The following LHFPL2 variants were observed in gnomAD, a reference collection of about 807,000 sequenced individuals.
LHFPL2 encodes LHFPL tetraspan subfamily member 2 protein.
LHFPL2 carries 7 observed loss-of-function variants against 17.5 expected under a neutral mutation model. That is an observed-to-expected ratio of 0.40 (90% CI 0.23 to 0.75). LHFPL2 has a LOEUF of 0.75. LHFPL2 is among the 30% of genes least tolerant of loss of function. The pLI, the probability that LHFPL2 is intolerant of heterozygous loss-of-function variation, is 0.37. For synonymous variants in LHFPL2, 134 were observed against 116.2 expected (o/e 1.15, Z -0.99); for missense variants, 241 against 294.8 (o/e 0.82, Z 1.34).
intron 2 of LHFPL2, among the ~76,000 whole-genome samples, chr5:78,610,744 CT>C (rs1424709855): frequency 1.3e-5 from 2 of 152,184 alleles, no homozygotes; most frequent in African/African-American, 4.8e-5. Flanking sequence ...TTGCTGTCCC[CT>C]CTCCCTCCCA....
At chr5:78,638,262 G>A (rs1162972853) in intron 1 of LHFPL2, among the ~76,000 whole-genome samples, 3 of 152,200 alleles carry the variant, frequency 2.0e-5, no homozygotes, top group Admixed American at 2.0e-4. Context: ...GGCTGAGGCA[G>A]GAGAATGGTG....
At chr5:78,607,837 AT>A (rs1744278957) in intron 2 of LHFPL2, among the ~76,000 whole-genome samples, 1 of 152,196 alleles carries the variant, frequency 6.6e-6, no homozygotes, top group South Asian at 2.1e-4. Context: ...TGTTGTTGCA[AT>A]AGTCTGAACA....
At chr5:78,514,154 C>T (rs1755219345) in intron 3 of LHFPL2, among the ~76,000 whole-genome samples, 1 of 152,202 alleles carries the variant, frequency 6.6e-6, no homozygotes, top group Non-Finnish European at 1.5e-5. Context: ...ATGCCTGCTT[C>T]CACAAAGCCC....
chr5:78,546,633 C>A (rs1756284273), intron 3 of LHFPL2, among the ~76,000 whole-genome samples: 1 of 152,216 alleles, frequency 6.6e-6, no homozygotes, highest in Non-Finnish European at 1.5e-5. Context: ...ACTTAGAACA[C>A]CACAATCTGG....
chr5:78,495,091 C>CT (rs1294408627), intron 4 of LHFPL2, among the ~76,000 whole-genome samples: 1 of 152,186 alleles, frequency 6.6e-6, no homozygotes, highest in Non-Finnish European at 1.5e-5. Flanking sequence ...TTCCATAGTC[C>CT]TGCCAGTCCC....
intron 2 of LHFPL2, among the ~76,000 whole-genome samples, chr5:78,594,629 T>C (rs1743763768): frequency 1.3e-5 from 2 of 152,216 alleles, no homozygotes; most frequent in Admixed American, 1.3e-4. Flanking sequence ...TTCACTACAC[T>C]GTTTGGGTAG....
chr5:78,498,615 A>G (rs1754680915), intron 4 of LHFPL2, among the ~76,000 whole-genome samples: 1 of 152,168 alleles, frequency 6.6e-6, no homozygotes, highest in Admixed American at 6.5e-5. Flanking sequence ...TTCCCTCGCC[A>G]CTGAATTTGC....
intron 1 of LHFPL2, among the ~76,000 whole-genome samples, chr5:78,646,159 G>A (rs990898063): frequency 1.3e-5 from 2 of 152,124 alleles, no homozygotes; most frequent in South Asian, 4.1e-4. Context: ...CCCAAATACT[G>A]CCTGCACTAC....
At chr5:78,621,639 T>C (rs181368690) in intron 2 of LHFPL2, among the ~76,000 whole-genome samples, 35 of 152,286 alleles carry the variant, frequency 2.3e-4, no homozygotes, top group Admixed American at 1.6e-3. Flanking sequence ...CTATTTCCCA[T>C]TTCTAAACAT....
rs1249993118 is a variant in LHFPL2, at chr5:78,510,232, G to T, written c.-19C>A. ...GACACATATTGATGTTCCGGGCGAA[G>T]AAAGAGTCAGGAGTCCACGGAGTTA... On this transcript the variant is annotated 5_prime_UTR_variant, in exon 4 of 5. Coordinates refer to ENST00000380345, the MANE Select transcript of LHFPL2 (RefSeq NM_005779.3). 6 of 1,564,146 alleles carry T rather than the reference G, an allele frequency of 3.8e-6. No homozygotes were observed. The African/African-American group carries it at 6.8e-5, about 18-fold the overall frequency.
chr5:78,617,769 C>T (rs1744670719), intron 2 of LHFPL2, among the ~76,000 whole-genome samples: 1 of 152,164 alleles, frequency 6.6e-6, no homozygotes, highest in South Asian at 2.1e-4. Flanking sequence ...AACAGAACAA[C>T]TCCACTTTTT....
intron 4 of LHFPL2, among the ~76,000 whole-genome samples, chr5:78,495,940 G>A (rs1002708852): frequency 9.2e-5 from 14 of 152,092 alleles, no homozygotes; most frequent in African/African-American, 3.4e-4. Context: ...CCTCGAACAG[G>A]GGCCTGTTAT....
At chr5:78,502,016 T>A (rs1380897499) in intron 4 of LHFPL2, among the ~76,000 whole-genome samples, 1 of 151,854 alleles carries the variant, frequency 6.6e-6, no homozygotes, top group Non-Finnish European at 1.5e-5. Flanking sequence ...AAAAGAAGCT[T>A]GCATTAATGC....
At chr5:78,581,299 A>AT (rs1334819150) in intron 2 of LHFPL2, among the ~76,000 whole-genome samples, 2 of 152,144 alleles carry the variant, frequency 1.3e-5, no homozygotes, top group African/African-American at 4.8e-5. Flanking sequence ...CCCCTGCCTA[A>AT]TTGCCCTGGC....
intron 2 of LHFPL2, among the ~76,000 whole-genome samples, chr5:78,607,207 G>A (rs1459752751): frequency 4.6e-5 from 7 of 151,986 alleles, no homozygotes; most frequent in African/African-American, 1.5e-4. Flanking sequence ...CTGCCTCCCA[G>A]GTTCAAGCAA....
At position 78,499,067 on chromosome 5, in the gene LHFPL2, A is replaced by G. The variant is rs547381294; in HGVS notation, c.431-9914T>C. Among the ~76,000 whole-genome samples, 4 of 152,318 alleles carry G rather than the reference A, an allele frequency of 2.6e-5. No homozygotes were observed. In the South Asian group the frequency reaches 8.3e-4, roughly 32 times the overall value. On this transcript the variant is annotated intron_variant, in intron 4 of 4. Transcript: ENST00000380345. Reference sequence around the variant, plus strand: ...TAATGGCAGTGTTGACCAGCTTCACATGCCATTTCTGATGCCCATTTCCTT... The same window carrying G: ...TAATGGCAGTGTTGACCAGCTTCACGTGCCATTTCTGATGCCCATTTCCTT...
chr5:78,486,680 AAC>A lies in LHFPL2; in HGVS notation c.*2215_*2216del, dbSNP rs1754254114. On this transcript the variant is annotated 3_prime_UTR_variant, in exon 5 of 5. Coordinates refer to ENST00000380345, the MANE Select transcript of LHFPL2 (RefSeq NM_005779.3). Reference sequence around the variant, plus strand: ...CTGTTGCATTCAGATTAATAACATAAACACTATCGAGTGAGTTTATTATGGCC... The same window carrying A: ...CTGTTGCATTCAGATTAATAACATAAACTATCGAGTGAGTTTATTATGGCC... 1 of 152,140 alleles carries A rather than the reference AAC, an allele frequency of 6.6e-6. No individual in the cohort carries two copies. Among genetic ancestry groups the A allele is most frequent in the African/African-American group, 2.4e-5 (1 of 41,426 alleles). The allele number at this position is 152,140 out of a possible 1,614,324, so 9.4% of individuals were successfully genotyped here.
intron 2 of LHFPL2, among the ~76,000 whole-genome samples, chr5:78,585,348 C>A (rs1259369032): frequency 6.7e-6 from 1 of 150,066 alleles, no homozygotes; most frequent in South Asian, 2.1e-4. Context: ...GCGCAGTATT[C>A]AGGTGGGAGT....
intron 2 of LHFPL2, among the ~76,000 whole-genome samples, chr5:78,585,790 C>G (rs1247453861): frequency 6.6e-6 from 1 of 152,082 alleles, no homozygotes; most frequent in Admixed American, 6.5e-5. Flanking sequence ...GAAAAACTCA[C>G]AACAATTTTA....
Sources: allele counts gnomAD v4.1 joint callset (sites outside exome capture counted in the v4.1 genomes callset), GRCh38; gene constraint gnomAD v4.1.1; transcripts MANE v1.5; gene names NCBI Gene and HGNC (gene_info 2026-07-23, HGNC 2026-07-21).